NOSTRIN: variants seen among roughly 807,000 people sequenced by gnomAD.
NOSTRIN encodes nitric oxide synthase trafficking.
In NOSTRIN, 63 loss-of-function variants were observed where a neutral mutation model predicts 59.0. The observed-to-expected ratio is 1.07, with a 90% CI of 0.87 to 1.32. The LOEUF (loss-of-function observed/expected upper bound fraction) is 1.32, where lower values mean the gene tolerates loss of function less well. NOSTRIN is among the 40% of genes most tolerant of loss of function. NOSTRIN has a pLI of 0.00. For missense variants in NOSTRIN, 512 were observed against 473.1 expected, an observed-to-expected ratio of 1.08 and a Z score of -0.76; for synonymous variants, 200 against 165.4, an observed-to-expected ratio of 1.21 and a Z score of -1.61.
chr2:168,864,732 CA>C (rs1689745939), intron 15 of NOSTRIN, 101 bp from the exon 16 acceptor site: 3 of 1,355,202 alleles, frequency 2.2e-6, no homozygotes, highest in Middle Eastern at 2.1e-4. Context: ...ATGACACTAC[CA>C]AGTAAATCCT....
At chr2:168,810,739 A>C (rs984938210) in intron 1 of NOSTRIN, among the ~76,000 whole-genome samples, 1 of 152,202 alleles carries the variant, frequency 6.6e-6, no homozygotes, top group Non-Finnish European at 1.5e-5. Context: ...CCCAGATGGA[A>C]ACCATGAGAG....
At chr2:168,793,695 A>G (rs559224921), upstream of NOSTRIN, among the ~76,000 whole-genome samples, 11 of 152,312 alleles carry the variant, frequency 7.2e-5, no homozygotes, top group African/African-American at 2.6e-4. Flanking sequence ...TTGTGACTCT[A>G]TTTACCTTTT....
chr2:168,798,795 T>TTCGA (rs879348523), upstream of NOSTRIN, among the ~76,000 whole-genome samples: 139 of 117,408 alleles, frequency 1.2e-3, 1 homozygote, highest in South Asian at 4.1e-3. Flanking sequence ...GAGGAGATGC[T>TTCGA]TCGATCGATC....
intron 2 of NOSTRIN, among the ~76,000 whole-genome samples, chr2:168,822,329 A>C (rs1046073835): frequency 7.0e-6 from 1 of 142,840 alleles, no homozygotes; most frequent in African/African-American, 2.6e-5. Flanking sequence ...AACAACTTAA[A>C]GCACAGCTGT....
At chr2:168,821,307 A>G (rs945835201) in intron 2 of NOSTRIN, among the ~76,000 whole-genome samples, 6 of 152,240 alleles carry the variant, frequency 3.9e-5, no homozygotes, top group African/African-American at 1.4e-4. Context: ...CTGAGCACCC[A>G]AACCAGAGAG....
intron 1 of NOSTRIN, chr2:168,786,913 G>A (rs1409091490): frequency 6.6e-6 from 1 of 152,020 alleles, no homozygotes; most frequent in African/African-American, 2.4e-5. Flanking sequence ...ATTTTTAGTA[G>A]AGACGGGGTT....
chr2:168,849,476 C>A (rs1203040920), intron 8 of NOSTRIN, among the ~76,000 whole-genome samples: 1 of 152,172 alleles, frequency 6.6e-6, no homozygotes, highest in Admixed American at 6.5e-5. Context: ...CTGCCTCAGC[C>A]TCCTGAGTAG....
intron 2 of NOSTRIN, among the ~76,000 whole-genome samples, chr2:168,792,056 C>T (rs975352621): frequency 5.9e-5 from 9 of 152,126 alleles, no homozygotes; most frequent in Admixed American, 1.3e-4. Flanking sequence ...GAAGTCCTTG[C>T]CCATGCCTAT....
At chr2:168,816,867 TTGAG>T (rs772380239) in intron 2 of NOSTRIN, among the ~76,000 whole-genome samples, 9 of 152,228 alleles carry the variant, frequency 5.9e-5, no homozygotes, top group Non-Finnish European at 7.3e-5. Flanking sequence ...GCACTCATGT[TTGAG>T]TGACTCTGCC....
At chr2:168,792,801 G>C (rs1300506292) in intron 2 of NOSTRIN, among the ~76,000 whole-genome samples, 1 of 151,948 alleles carries the variant, frequency 6.6e-6, no homozygotes, top group Non-Finnish European at 1.5e-5. Context: ...TCTTTATTCT[G>C]CAAAAAATAA....
At chr2:168,792,947 A>G (rs556449411) in intron 2 of NOSTRIN, among the ~76,000 whole-genome samples, 4 of 152,330 alleles carry the variant, frequency 2.6e-5, no homozygotes, top group African/African-American at 9.6e-5. Context: ...AATTTCTCCC[A>G]AAGTTAGCAT....
Position 168,865,050 on chromosome 2 carries a change from C to G in NOSTRIN, c.*80C>G, listed in dbSNP as rs1011588198. 28 of 1,471,302 alleles carry G rather than the reference C, an allele frequency of 1.9e-5. No homozygotes were observed. The African/African-American group carries it at 3.5e-4, about 19-fold the overall frequency. 91.1% of individuals were successfully genotyped at this position (1,471,302 alleles called of 1,614,324 possible). A position where few individuals can be genotyped will look rare whatever the true frequency, so the allele number is the denominator to read the frequency against. ...TTCAAATAAGAATAAAGTGCTCTTA[C>G]CTTTACATGTTTTTCTTTTGAAATG... On this transcript the variant is annotated 3_prime_UTR_variant, in exon 16 of 16. Transcript: ENST00000317647.
At chr2:168,856,562 A>T in intron 11 of NOSTRIN, 128 bp from the exon 12 acceptor site, 1 of 722,046 alleles carries the variant, frequency 1.4e-6, no homozygotes, top group Non-Finnish European at 2.3e-6. Flanking sequence ...GTGACAGAGC[A>T]AGACTCCGTC....
intron 2 of NOSTRIN, among the ~76,000 whole-genome samples, chr2:168,789,101 G>T (rs558045035): frequency 3.3e-4 from 51 of 152,328 alleles, no homozygotes; most frequent in Non-Finnish European, 5.7e-4. Flanking sequence ...GAACCAAGAG[G>T]TGGGCAGGGA....
intron 2 of NOSTRIN, among the ~76,000 whole-genome samples, chr2:168,822,603 G>C (rs952524283): frequency 2.0e-5 from 3 of 152,112 alleles, no homozygotes; most frequent in Non-Finnish European, 4.4e-5. Context: ...ATATTAAAAA[G>C]GAAAACATAA....
At chr2:168,839,884 C>CAAAAAAAAAAAAAA (rs58341006) in intron 7 of NOSTRIN, among the ~76,000 whole-genome samples, 4 of 31,152 alleles carry the variant, frequency 1.3e-4, no homozygotes, top group African/African-American at 5.7e-4. Flanking sequence ...GACTCCGTCT[C>CAAAAAAAAAAAAAA]AAAAAAAAAA....
chr2:168,803,500 G>A (rs1685698540), intron 1 of NOSTRIN, among the ~76,000 whole-genome samples: 1 of 152,116 alleles, frequency 6.6e-6, no homozygotes, highest in Admixed American at 6.5e-5. Context: ...AATGGGCGCT[G>A]AGATAAAGTC....
Position 168,860,897 on chromosome 2 carries a change from T to C in NOSTRIN, c.1282T>C (p.Ser428Pro). The C allele has an allele frequency of 6.2e-7, 1 of 1,610,818 alleles. No individual in the cohort carries two copies. Among genetic ancestry groups the C allele is most frequent in the Non-Finnish European group, 8.5e-7 (1 of 1,177,014 alleles). The change falls in exon 14 of 16, where the codon TCT becomes CCT. Residue 428 changes from serine (S) to proline (P), a missense_variant. Physicochemically the swap from Ser to Pro is moderately conservative, Grantham distance 74. Transcript: ENST00000317647. ...ASSGGQSNPG[S>P]STPAPGAAQL... is the part of the protein sequence containing the mutation. ...TTCTGGTGGGCAGAGCAATCCAGGT[T>C]CTTCAACTCCAGGTAATCCCATGCC...
At chr2:168,797,248 C>T (rs768243315), upstream of NOSTRIN, among the ~76,000 whole-genome samples, 1 of 151,638 alleles carries the variant, frequency 6.6e-6, no homozygotes, top group Non-Finnish European at 1.5e-5. Flanking sequence ...TACCACCATG[C>T]CTGACTAGTT....
Sources: allele counts gnomAD v4.1 joint callset (sites outside exome capture counted in the v4.1 genomes callset), GRCh38; gene constraint gnomAD v4.1.1; transcripts MANE v1.5; gene names NCBI Gene and HGNC (gene_info 2026-07-23, HGNC 2026-07-21).